Variants in EBF1 observed in about 807,000 individuals in gnomAD.
The protein encoded by EBF1 is transcription factor COE1.
EBF1 carries 10 observed loss-of-function variants against 68.4 expected under a neutral mutation model. That is an observed-to-expected ratio of 0.15 (90% CI 0.09 to 0.25). EBF1 has a LOEUF of 0.25. Ranked by LOEUF, EBF1 falls within the 10% of genes least tolerant of loss-of-function variation. The pLI is 1.00. For synonymous variants in EBF1, 298 were observed against 299.8 expected, an observed-to-expected ratio of 0.99 and a Z score of 0.06; for missense variants, 509 against 794.4, an observed-to-expected ratio of 0.64 and a Z score of 4.32.
chr5:158,929,093 G>A (rs938478707), intron 6 of EBF1, among the ~76,000 whole-genome samples: 2 of 152,142 alleles, frequency 1.3e-5, no homozygotes, highest in Non-Finnish European at 2.9e-5. Context: ...ATGACATGAA[G>A]GGAAAAGTAG....
intron 5 of EBF1, among the ~76,000 whole-genome samples, chr5:159,078,153 T>C (rs757675313): frequency 6.6e-6 from 1 of 152,198 alleles, no homozygotes; most frequent in Non-Finnish European, 1.5e-5. Context: ...CCCCTGTGGC[T>C]TCCTAGAGCC....
chr5:159,005,040 C>T (rs1763281899), intron 6 of EBF1, among the ~76,000 whole-genome samples: 2 of 152,188 alleles, frequency 1.3e-5, no homozygotes, highest in Admixed American at 6.5e-5. Context: ...GACCCAAAGA[C>T]TGCAATAGAA....
intron 6 of EBF1, among the ~76,000 whole-genome samples, chr5:159,019,514 G>A (rs568279377): frequency 3.3e-5 from 5 of 152,182 alleles, no homozygotes; most frequent in Non-Finnish European, 7.3e-5. Flanking sequence ...GCACGAGTGA[G>A]GGCTGAGGTG....
chr5:158,935,239 G>A (rs1425530873), intron 6 of EBF1, among the ~76,000 whole-genome samples: 2 of 152,222 alleles, frequency 1.3e-5, no homozygotes, highest in Non-Finnish European at 2.9e-5. Flanking sequence ...TTTGCCAGAG[G>A]CATCTTGGAG....
At chr5:159,032,110 C>T (rs1769032575) in intron 6 of EBF1, among the ~76,000 whole-genome samples, 1 of 152,014 alleles carries the variant, frequency 6.6e-6, no homozygotes, top group Non-Finnish European at 1.5e-5. Flanking sequence ...CAGTCAATAT[C>T]AACAGGTGTA....
chr5:158,754,668 A>G (rs942965836), intron 10 of EBF1, among the ~76,000 whole-genome samples: 1 of 152,088 alleles, frequency 6.6e-6, no homozygotes, highest in Non-Finnish European at 1.5e-5. Context: ...CAAATCTATG[A>G]TATCAGATTG....
intron 6 of EBF1, among the ~76,000 whole-genome samples, chr5:159,022,608 A>G (rs963366620): frequency 6.6e-6 from 1 of 152,336 alleles, no homozygotes; most frequent in East Asian, 1.9e-4. Flanking sequence ...CTAATTAAGG[A>G]TGGGCTAAGG....
intron 13 of EBF1, 90 bp from the exon 14 acceptor site, chr5:158,712,423 G>A: frequency 6.8e-7 from 1 of 1,469,308 alleles, no homozygotes; most frequent in Non-Finnish European, 9.2e-7. Context: ...CTCTGTTTCT[G>A]GCCCCGTCGC....
At chr5:159,098,121 C>T (rs1247492629) in intron 1 of EBF1, among the ~76,000 whole-genome samples, 1 of 152,252 alleles carries the variant, frequency 6.6e-6, no homozygotes, top group African/African-American at 2.4e-5. Flanking sequence ...CATCTTCCTT[C>T]TTCCCCTTCC....
intron 6 of EBF1, among the ~76,000 whole-genome samples, chr5:159,008,848 A>G (rs1048325129): frequency 6.6e-6 from 1 of 152,074 alleles, no homozygotes; most frequent in Non-Finnish European, 1.5e-5. Context: ...AAACATTTTC[A>G]TATTTTCCAA....
intron 8 of EBF1, among the ~76,000 whole-genome samples, chr5:158,803,016 C>T (rs1780896419): frequency 6.6e-6 from 1 of 152,050 alleles, no homozygotes. Flanking sequence ...GTGGAACTGG[C>T]AACAGTCCCT....
chr5:158,773,749 T>G (rs1581755322), intron 10 of EBF1, among the ~76,000 whole-genome samples: 1 of 151,880 alleles, frequency 6.6e-6, no homozygotes, highest in East Asian at 1.9e-4. Flanking sequence ...TGCCTAAGAG[T>G]CTTTTATTAG....
chr5:158,941,292 A>G, intron 6 of EBF1: 1 of 455,374 alleles, frequency 2.2e-6, no homozygotes, highest in Non-Finnish European at 4.4e-6. Flanking sequence ...AGGAACACGT[A>G]CAAATACAGC....
intron 10 of EBF1, among the ~76,000 whole-genome samples, chr5:158,745,048 C>A (rs1767239790): frequency 6.6e-6 from 1 of 152,158 alleles, no homozygotes; most frequent in Non-Finnish European, 1.5e-5. Context: ...AAAATATTGA[C>A]AAAATATAGT....
At chr5:158,783,902 A>T (rs905492369) in intron 9 of EBF1, among the ~76,000 whole-genome samples, 1 of 152,202 alleles carries the variant, frequency 6.6e-6, no homozygotes, top group East Asian at 1.9e-4. Flanking sequence ...GGAAGAGGAC[A>T]ATCTTCTACA....
intron 6 of EBF1, among the ~76,000 whole-genome samples, chr5:158,920,423 C>T (rs1181042331): frequency 6.6e-6 from 1 of 152,214 alleles, no homozygotes; most frequent in African/African-American, 2.4e-5. Context: ...AACTTCAGCT[C>T]TAAAGAGGCT....
intron 4 of EBF1, among the ~76,000 whole-genome samples, chr5:159,093,678 G>A (rs1377196554): frequency 6.6e-6 from 1 of 152,040 alleles, no homozygotes; most frequent in Non-Finnish European, 1.5e-5. Flanking sequence ...TTTTATATGA[G>A]TATAAGGTAA....
intron 6 of EBF1, among the ~76,000 whole-genome samples, chr5:159,013,747 C>G (rs1488182775): frequency 6.6e-6 from 1 of 152,130 alleles, no homozygotes; most frequent in East Asian, 1.9e-4. Context: ...GTACTAACAC[C>G]TTGAGACTGA....
chr5:158,809,943 C>T (rs1180717561), intron 8 of EBF1, among the ~76,000 whole-genome samples: 1 of 152,072 alleles, frequency 6.6e-6, no homozygotes, highest in Non-Finnish European at 1.5e-5. Flanking sequence ...AAAATAGTAC[C>T]TTAATAACAC....
Sources: allele counts gnomAD v4.1 joint callset (sites outside exome capture counted in the v4.1 genomes callset), GRCh38; gene constraint gnomAD v4.1.1; transcripts MANE v1.5; gene names NCBI Gene and HGNC (gene_info 2026-07-23, HGNC 2026-07-21).